STON2: variants seen among roughly 807,000 people sequenced by gnomAD.
STON2 encodes stonin-2.
STON2 carries 29 observed loss-of-function variants against 65.7 expected under a neutral mutation model. The ratio of observed to expected loss-of-function variants is 0.44; its 90% CI spans 0.33 to 0.60. The LOEUF (loss-of-function observed/expected upper bound fraction) is 0.60, where lower values mean the gene tolerates loss of function less well. Among genes scored for constraint, STON2 ranks in the 20% least tolerant of loss-of-function variants. The pLI is 0.03. For synonymous variants in STON2, 404 were observed against 414.2 expected (o/e 0.98, Z 0.30); for missense variants, 1,054 against 1,118.1 (o/e 0.94, Z 0.82).
rs566479543 is a variant in STON2 at position 81,321,049 on chromosome 14, T to G, written c.742+2968A>C. The stretch of plus-strand genomic sequence containing the variant: ...CCACCCTTGCCAGACTGTGACCACT[T>G]AGAAAACGCACTAATACTGCAGGGC... On this transcript the variant is annotated intron_variant, in intron 5 of 7. Coordinates refer to ENST00000614646, the MANE Select transcript of STON2 (RefSeq NM_001394390.1). Among the ~76,000 whole-genome samples, 6 of 152,274 alleles carry G rather than the reference T, an allele frequency of 3.9e-5. No individual in the cohort carries two copies. The East Asian group carries it at 1.2e-3, about 29-fold the overall frequency.
At chr14:81,391,288 G>A (rs368569750) in intron 3 of STON2, among the ~76,000 whole-genome samples, 6 of 152,318 alleles carry the variant, frequency 3.9e-5, no homozygotes, top group East Asian at 3.9e-4. Context: ...TGTTATTTCT[G>A]CATAATGCCT....
At chr14:81,372,706 C>T (rs1016570812) in intron 3 of STON2, among the ~76,000 whole-genome samples, 1 of 152,060 alleles carries the variant, frequency 6.6e-6, no homozygotes, top group African/African-American at 2.4e-5. Flanking sequence ...AGGTATTTTA[C>T]AAATGTCTTG....
At chr14:81,335,363 C>G (rs1470240571) in intron 4 of STON2, among the ~76,000 whole-genome samples, 1 of 151,952 alleles carries the variant, frequency 6.6e-6, no homozygotes, top group East Asian at 1.9e-4. Context: ...TAATCATGAC[C>G]CTCTCAAAAG....
intron 2 of STON2, among the ~76,000 whole-genome samples, chr14:81,415,536 G>A (rs1266063295): frequency 6.6e-6 from 1 of 151,920 alleles, no homozygotes; most frequent in Non-Finnish European, 1.5e-5. Flanking sequence ...TGGGTGTGGT[G>A]GTGCACACCT....
At chr14:81,268,742 T>C (rs960799722) in intron 7 of STON2, 2 of 724,348 alleles carry the variant, frequency 2.8e-6, no homozygotes, top group African/African-American at 3.8e-5. Context: ...TTCTTTGCCT[T>C]GTACATTTGG....
At chr14:81,331,120 G>A (rs1260291066) in intron 4 of STON2, among the ~76,000 whole-genome samples, 2 of 152,218 alleles carry the variant, frequency 1.3e-5, no homozygotes, top group Non-Finnish European at 2.9e-5. Context: ...TGCACGTGCA[G>A]TGGCATGTGT....
intron 1 of STON2, chr14:81,435,977 C>T (rs1255164258): frequency 1.3e-5 from 2 of 152,324 alleles, no homozygotes; most frequent in African/African-American, 4.8e-5. Context: ...CGCCTCCCCA[C>T]TCGGGCCGAT....
chr14:81,412,851 A>G, intron 2 of STON2: 1 of 509,818 alleles, frequency 2.0e-6, no homozygotes, highest in Non-Finnish European at 3.3e-6. Context: ...TCAAACATTA[A>G]AAGCTTTCTT....
At chr14:81,332,892 G>C (rs911667879) in intron 4 of STON2, 10 of 217,668 alleles carry the variant, frequency 4.6e-5, no homozygotes, top group African/African-American at 9.2e-5. Flanking sequence ...AATGGCCACA[G>C]ATAACATCAT....
In STON2 at chr14:81,277,914, C is replaced by T. The variant is rs779505871; in HGVS notation, c.1568G>A (p.Gly523Asp). The T allele has an allele frequency of 3.1e-6, 5 of 1,614,064 alleles. No homozygotes were observed. The highest frequency in any genetic ancestry group is 1.3e-5 in the African/African-American group (1 of 74,902). ...TGYLQLYYEQ[G>D]LEKPFREFKL... ...GAACTCACGGAATGGTTTTTCTAGGCCCTGCTCATAATACAGCTGCAGGTA... is the reference window on the plus strand; with the variant it reads ...GAACTCACGGAATGGTTTTTCTAGGTCCTGCTCATAATACAGCTGCAGGTA... Residue 523 changes from glycine to aspartate, a missense_variant, in exon 6 of 8, where the codon GGC becomes GAC. Gly to Asp is a moderately conservative substitution (Grantham distance 94). Transcript: ENST00000614646.
At position 81,303,056 on chromosome 14, in the gene STON2, G is replaced by A. The variant is rs7401072; in HGVS notation, c.742+20961C>T. Among the ~76,000 whole-genome samples, 24 of 51,084 alleles carry A rather than the reference G, an allele frequency of 4.7e-4. No individual in the cohort carries two copies. The East Asian group carries it at 5.4e-3, about 12-fold the overall frequency. 33.5% of individuals were successfully genotyped at this position (51,084 alleles called of 152,430 possible). A position where few individuals can be genotyped will look rare whatever the true frequency, so the allele number is the denominator to read the frequency against. On this transcript the variant is annotated intron_variant, in intron 5 of 7. Coordinates refer to ENST00000614646, the MANE Select transcript of STON2 (RefSeq NM_001394390.1). ...AGTTCAGTGAGGGTGTACATGTGTGGGGGGTGTGTGTGTGTGTGTGTGTGT... is the reference window on the plus strand; with the variant it reads ...AGTTCAGTGAGGGTGTACATGTGTGAGGGGTGTGTGTGTGTGTGTGTGTGT...
intron 1 of STON2, among the ~76,000 whole-genome samples, chr14:81,428,029 A>G (rs949395855): frequency 1.3e-5 from 2 of 152,068 alleles, no homozygotes; most frequent in Non-Finnish European, 2.9e-5. Context: ...ATGTAATGCT[A>G]CTCCTTAGAT....
intron 4 of STON2, among the ~76,000 whole-genome samples, chr14:81,338,855 G>A (rs1256482966): frequency 1.3e-5 from 2 of 152,166 alleles, no homozygotes; most frequent in African/African-American, 4.8e-5. Flanking sequence ...TGGTCTTTTC[G>A]ATCCTCAATG....
At chr14:81,356,139 T>A (rs1033566705) in intron 4 of STON2, among the ~76,000 whole-genome samples, 2 of 152,236 alleles carry the variant, frequency 1.3e-5, no homozygotes, top group African/African-American at 4.8e-5. Flanking sequence ...ATATTGCCTG[T>A]GGGTTTGTCA....
chr14:81,317,001 T>C (rs552678786), intron 5 of STON2, among the ~76,000 whole-genome samples: 9 of 152,006 alleles, frequency 5.9e-5, no homozygotes, highest in South Asian at 2.1e-4. Context: ...GCCTGGGTGA[T>C]AGAGTGAGAC....
At chr14:81,357,098 C>G (rs1376960901) in intron 4 of STON2, among the ~76,000 whole-genome samples, 1 of 151,970 alleles carries the variant, frequency 6.6e-6, no homozygotes, top group Admixed American at 6.6e-5. Context: ...AAACTACCAT[C>G]AGAGTGAACA....
At chr14:81,377,656 C>T (rs529946516) in intron 3 of STON2, among the ~76,000 whole-genome samples, 6 of 152,146 alleles carry the variant, frequency 3.9e-5, no homozygotes, top group South Asian at 2.1e-4. Context: ...TCCAATCTCT[C>T]GGCATCCTCA....
chr14:81,348,754 A>T (rs1897911750), intron 4 of STON2, among the ~76,000 whole-genome samples: 1 of 152,106 alleles, frequency 6.6e-6, no homozygotes, highest in South Asian at 2.1e-4. Context: ...ACGATCCTAA[A>T]ATTCATACGA....
At chr14:81,415,435 T>C (rs933429762) in intron 2 of STON2, among the ~76,000 whole-genome samples, 1 of 152,024 alleles carries the variant, frequency 6.6e-6, no homozygotes, top group Non-Finnish European at 1.5e-5. Context: ...ATTCATTCAA[T>C]CAACCAAGAC....
Sources: gnomAD v4.1 joint callset for allele counts (sites outside exome capture counted in the v4.1 genomes callset) on GRCh38, gnomAD v4.1.1 for gene constraint, MANE v1.5 for transcripts, NCBI Gene and HGNC (gene_info 2026-07-23, HGNC 2026-07-21) for gene names.